The following CORIN variants were observed in gnomAD, a reference collection of about 807,000 sequenced individuals.
CORIN encodes the protein corin, serine peptidase, also known as atrial natriuretic peptide-converting enzyme.
A neutral mutation model predicts 125.3 loss-of-function variants in CORIN; 117 were observed. That is an observed-to-expected ratio of 0.93 (90% confidence interval 0.80 to 1.09). The LOEUF is 1.09. Ranked by LOEUF, CORIN falls within the 50% of genes least tolerant of loss-of-function variation. The probability of loss-of-function intolerance (pLI) is 0.00; values close to 1 mark genes in which losing one functional copy is unlikely to be tolerated. For synonymous variants in CORIN, 450 were observed against 466.4 expected, an observed-to-expected ratio of 0.96 and a Z score of 0.45; for missense variants, 1,253 against 1,306.7, an observed-to-expected ratio of 0.96 and a Z score of 0.63.
chr4:47,688,109 T>C (rs1725601069), intron 6 of CORIN, among the ~76,000 whole-genome samples: 1 of 152,190 alleles, frequency 6.6e-6, no homozygotes, highest in South Asian at 2.1e-4. Context: ...GAAAATCATG[T>C]TGCACAGTAT....
At chr4:47,619,233 A>G (rs1007588851) in intron 19 of CORIN, among the ~76,000 whole-genome samples, 1 of 152,170 alleles carries the variant, frequency 6.6e-6, no homozygotes, top group African/African-American at 2.4e-5. Context: ...TTAAATTTTC[A>G]TTTGGGATTT....
intron 13 of CORIN, among the ~76,000 whole-genome samples, chr4:47,645,912 T>A (rs748176536): frequency 1.1e-4 from 16 of 151,862 alleles, no homozygotes; most frequent in Non-Finnish European, 7.4e-5. Flanking sequence ...AATAACTGAA[T>A]CAGGATTAGA....
chr4:47,751,679 T>TA (rs1297100461), intron 4 of CORIN, among the ~76,000 whole-genome samples: 3 of 152,200 alleles, frequency 2.0e-5, no homozygotes, highest in Admixed American at 1.3e-4. Flanking sequence ...TTCTCTGTGT[T>TA]ACCTCCATGC....
intron 1 of CORIN, among the ~76,000 whole-genome samples, chr4:47,830,193 T>C (rs1210584452): frequency 6.6e-6 from 1 of 152,078 alleles, no homozygotes. Context: ...TGGAGACCAA[T>C]GTAACTTCCA....
At chr4:47,788,284 G>A (rs1730909804) in intron 2 of CORIN, among the ~76,000 whole-genome samples, 1 of 152,046 alleles carries the variant, frequency 6.6e-6, no homozygotes, top group Admixed American at 6.6e-5. Flanking sequence ...ATCAGTCTAT[G>A]GAAACAATTT....
At chr4:47,650,728 C>A (rs80326966) in intron 13 of CORIN, among the ~76,000 whole-genome samples, 230 of 152,306 alleles carry the variant, frequency 1.5e-3, no homozygotes, top group Non-Finnish European at 2.8e-3. Flanking sequence ...GCAGCTCCAT[C>A]TATATCATGT....
chr4:47,634,269 C>T (rs1296050974), intron 16 of CORIN, among the ~76,000 whole-genome samples: 7 of 152,156 alleles, frequency 4.6e-5, no homozygotes, highest in Admixed American at 4.6e-4. Context: ...GACTGGTTGC[C>T]TACAGCTCTA....
At chr4:47,767,173 G>A (rs1443059425) in intron 3 of CORIN, among the ~76,000 whole-genome samples, 3 of 152,138 alleles carry the variant, frequency 2.0e-5, no homozygotes, top group Non-Finnish European at 4.4e-5. Flanking sequence ...GTTTGTGGAA[G>A]AGGATGAAGT....
At chr4:47,616,973 C>T (rs1560473977) in intron 19 of CORIN, among the ~76,000 whole-genome samples, 3 of 152,178 alleles carry the variant, frequency 2.0e-5, no homozygotes, top group Admixed American at 1.3e-4. Context: ...GGAGCAAAGA[C>T]ATGTCCTCCA....
At chr4:47,744,850 C>G (rs1341066274) in intron 4 of CORIN, among the ~76,000 whole-genome samples, 1 of 151,992 alleles carries the variant, frequency 6.6e-6, no homozygotes, top group Non-Finnish European at 1.5e-5. Flanking sequence ...ATTTACTGGG[C>G]TAAAATATAT....
chr4:47,699,892 G>A (rs1232460777), intron 5 of CORIN, among the ~76,000 whole-genome samples: 2 of 152,192 alleles, frequency 1.3e-5, no homozygotes, highest in Non-Finnish European at 2.9e-5. Flanking sequence ...GTGATGATGT[G>A]TCTAACATTC....
At chr4:47,642,108 C>T (rs1325976619) in intron 15 of CORIN, 59 bp from the exon 16 acceptor site, 7 of 1,539,618 alleles carry the variant, frequency 4.5e-6, no homozygotes, top group African/African-American at 4.1e-5. Flanking sequence ...CATGAAAGCA[C>T]ATAACTTTAC....
At position 47,683,644 on chromosome 4, in the gene CORIN, C is replaced by A. The variant is rs181729259; in HGVS notation, c.1021+87G>T. On this transcript the variant is annotated intron_variant, in intron 7 of 21. Transcript: ENST00000273857. ...TCATTTTGTAATTTAAACTGCTAAT[C>A]ATATTAACACATAATGAACTGTAAG... 2.5e-5 allele frequency: 22 copies of A among 895,748 alleles called. No homozygotes were observed. In the Admixed American group the frequency reaches 5.0e-4, roughly 21 times the overall value. The allele number at this position is 895,748 out of a possible 1,614,324, so 55.5% of individuals were successfully genotyped here.
At chr4:47,679,817 T>C in intron 8 of CORIN, 1 of 196,376 alleles carries the variant, frequency 5.1e-6, no homozygotes, top group Non-Finnish European at 1.0e-5. Flanking sequence ...CCCCATTCTG[T>C]GGGCAGAGCA....
intron 1 of CORIN, among the ~76,000 whole-genome samples, chr4:47,807,394 GAC>G (rs1456233484): frequency 1.3e-5 from 2 of 152,192 alleles, no homozygotes; most frequent in Non-Finnish European, 2.9e-5. Flanking sequence ...CCAAAGCTAT[GAC>G]AGAAGTGAAG....
Position 47,679,360 on chromosome 4 carries a change from G to T in CORIN, c.1132+781C>A, listed in dbSNP as rs57716063. Among the ~76,000 whole-genome samples the T allele has an allele frequency of 2.0e-3, 277 of 136,896 alleles. 4 individuals are homozygous for T. Among genetic ancestry groups the T allele is most frequent in the African/African-American group, 6.5e-3 (258 of 39,996 alleles). 89.8% of individuals were successfully genotyped at this position (136,896 alleles called of 152,430 possible). A position where few individuals can be genotyped will look rare whatever the true frequency, so the allele number is the denominator to read the frequency against. ...GTTTATAAATTTATATTATTACTAC[G>T]TTCTCTCTTTTTTTTTTTTTAAAGA... is the stretch of plus-strand genomic sequence containing the variant. On this transcript the variant is annotated intron_variant, in intron 8 of 21. Coordinates refer to ENST00000273857, the MANE Select transcript of CORIN (RefSeq NM_006587.4).
chr4:47,765,055 T>C (rs971697172), intron 3 of CORIN, among the ~76,000 whole-genome samples: 1 of 152,114 alleles, frequency 6.6e-6, no homozygotes, highest in Non-Finnish European at 1.5e-5. Context: ...CTCACTCCTG[T>C]AATCCCAGCA....
At chr4:47,700,081 T>C (rs1395775421) in intron 5 of CORIN, among the ~76,000 whole-genome samples, 1 of 152,210 alleles carries the variant, frequency 6.6e-6, no homozygotes, top group Non-Finnish European at 1.5e-5. Context: ...CATGAGTCCA[T>C]GGAAAATTTT....
intron 10 of CORIN, among the ~76,000 whole-genome samples, chr4:47,666,914 A>G (rs1054630796): frequency 6.6e-6 from 1 of 152,234 alleles, no homozygotes; most frequent in African/African-American, 2.4e-5. Context: ...AAAATGCTAG[A>G]GTCCAAAGGG....
Sources: allele counts gnomAD v4.1 joint callset (sites outside exome capture counted in the v4.1 genomes callset), GRCh38; gene constraint gnomAD v4.1.1; transcripts MANE v1.5; gene names NCBI Gene and HGNC (gene_info 2026-07-23, HGNC 2026-07-21).